Variants in GAB1 observed in about 807,000 individuals in gnomAD.
The protein encoded by GAB1 is GRB2-associated-binding protein 1.
A neutral mutation model predicts 66.5 loss-of-function variants in GAB1; 19 were observed. The observed-to-expected ratio is 0.29, with a 90% CI of 0.20 to 0.42. The LOEUF is 0.42. Ranked by LOEUF, GAB1 falls within the 10% of genes least tolerant of loss-of-function variation. The probability of loss-of-function intolerance (pLI) is 1.00; values close to 1 mark genes in which losing one functional copy is unlikely to be tolerated. For missense variants in GAB1, 732 were observed against 858.5 expected (o/e 0.85, Z 1.84); for synonymous variants, 294 against 301.4 (o/e 0.98, Z 0.25).
chr4:143,360,288 C>G (rs1729610852), intron 1 of GAB1, among the ~76,000 whole-genome samples: 1 of 152,084 alleles, frequency 6.6e-6, no homozygotes, highest in African/African-American at 2.4e-5. Context: ...TTTACATTCT[C>G]CTGATTCTGA....
intron 3 of GAB1, among the ~76,000 whole-genome samples, chr4:143,436,170 G>A (rs1733930979): frequency 6.6e-6 from 1 of 152,224 alleles, no homozygotes; most frequent in Non-Finnish European, 1.5e-5. Context: ...AGAATGGAAT[G>A]TGAACTACAC....
In GAB1 at chr4:143,337,111, C is replaced by T. The variant is rs1054451001; in HGVS notation, c.-78C>T. ...AGAGCTAGGTTCTCGCCACTGCGCGCTCGGCAGGCGTCGGCTGTGTCGGGA... is the reference window on the plus strand; with the variant it reads ...AGAGCTAGGTTCTCGCCACTGCGCGTTCGGCAGGCGTCGGCTGTGTCGGGA... On this transcript the variant is annotated 5_prime_UTR_variant, in exon 1 of 10. Transcript: ENST00000262994. 7.5e-6 allele frequency: 10 copies of T among 1,329,224 alleles called. No homozygotes were observed. The highest frequency in any genetic ancestry group is 3.7e-4 in the Middle Eastern group (2 of 5,392). The allele number at this position is 1,329,224 out of a possible 1,614,324, so 82.3% of individuals were successfully genotyped here.
chr4:143,348,137 A>G (rs570030894), intron 1 of GAB1, among the ~76,000 whole-genome samples: 6 of 152,320 alleles, frequency 3.9e-5, no homozygotes, highest in African/African-American at 1.2e-4. Context: ...AGTTCCCATA[A>G]GAACTCTTAC....
chr4:143,384,705 T>A (rs769681597), intron 1 of GAB1, among the ~76,000 whole-genome samples: 3 of 152,216 alleles, frequency 2.0e-5, no homozygotes, highest in Non-Finnish European at 4.4e-5. Flanking sequence ...TTTTGCAGGC[T>A]CTGTTCAGTC....
chr4:143,341,773 G>T (rs1445697728), intron 1 of GAB1, among the ~76,000 whole-genome samples: 1 of 152,222 alleles, frequency 6.6e-6, no homozygotes, highest in Non-Finnish European at 1.5e-5. Context: ...TGACATGGAG[G>T]AGAGGGGCGT....
chr4:143,463,108 T>C (rs1203833600), intron 8 of GAB1, among the ~76,000 whole-genome samples: 1 of 152,198 alleles, frequency 6.6e-6, no homozygotes, highest in South Asian at 2.1e-4. Flanking sequence ...GGACTCATCA[T>C]AGTCCATTCA....
intron 1 of GAB1, among the ~76,000 whole-genome samples, chr4:143,358,824 T>C (rs1019171850): frequency 1.3e-5 from 2 of 152,262 alleles, no homozygotes; most frequent in Non-Finnish European, 2.9e-5. Context: ...GACTTACTAA[T>C]TGGTATTTGT....
At chr4:143,394,117 C>CA (rs34943991) in intron 1 of GAB1, among the ~76,000 whole-genome samples, 1 of 151,868 alleles carries the variant, frequency 6.6e-6, no homozygotes, top group Non-Finnish European at 1.5e-5. Flanking sequence ...ATTAAAAATA[C>CA]AAAAAAATTA....
chr4:143,446,341 T>A (rs1184365052), intron 6 of GAB1, among the ~76,000 whole-genome samples: 1 of 152,204 alleles, frequency 6.6e-6, no homozygotes, highest in Non-Finnish European at 1.5e-5. Context: ...ATGGTATTGC[T>A]AGTTCCAGAT....
intron 6 of GAB1, among the ~76,000 whole-genome samples, chr4:143,447,286 T>C (rs1227448696): frequency 6.6e-6 from 1 of 152,194 alleles, no homozygotes; most frequent in Non-Finnish European, 1.5e-5. Context: ...GGGCTCTTTT[T>C]TGGTTCTATA....
intron 1 of GAB1, among the ~76,000 whole-genome samples, chr4:143,409,814 T>G (rs1231351050): frequency 6.6e-6 from 1 of 152,120 alleles, no homozygotes; most frequent in African/African-American, 2.4e-5. Context: ...GCAGAAGATA[T>G]TAATATAAGA....
At chr4:143,349,657 C>G in intron 1 of GAB1, 4 of 1,486,826 alleles carry the variant, frequency 2.7e-6, no homozygotes, top group Non-Finnish European at 3.7e-6. Context: ...CCAGTAGCCT[C>G]TGTGCACGGG....
chr4:143,337,047 G>T lies in GAB1; in HGVS notation c.-142G>T. On this transcript the variant is annotated 5_prime_UTR_variant, in exon 1 of 10. Coordinates refer to ENST00000262994, the MANE Select transcript of GAB1 (RefSeq NM_002039.4). ...GAACTCGTGGAACCCGCGCACCGTGGAGTCTGTCCGCCCAGTCCGTCCGGG... is the reference window on the plus strand; with the variant it reads ...GAACTCGTGGAACCCGCGCACCGTGTAGTCTGTCCGCCCAGTCCGTCCGGG... The T allele has an allele frequency of 1.5e-6, 1 of 670,266 alleles. No homozygotes were observed. 41.5% of individuals were successfully genotyped at this position (670,266 alleles called of 1,614,324 possible). A position where few individuals can be genotyped will look rare whatever the true frequency, so the allele number is the denominator to read the frequency against.
chr4:143,459,082 CA>C (rs1265470675), intron 6 of GAB1, among the ~76,000 whole-genome samples: 1 of 152,066 alleles, frequency 6.6e-6, no homozygotes, highest in East Asian at 1.9e-4. Flanking sequence ...AACTGGGTCA[CA>C]TTACTCTTTA....
rs987514359 is a variant in GAB1 at position 143,439,835 on chromosome 4, G to A, written c.1229G>A (p.Arg410Gln). Reference sequence around the variant, plus strand: ...TCTCAAGACTGCTATGATATTCCACGAGCATTTCCAAGTGATAGATCTAGT... The same window carrying A: ...TCTCAAGACTGCTATGATATTCCACAAGCATTTCCAAGTGATAGATCTAGT... ...ASSQDCYDIP[R>Q]AFPSDRSSSL... Residue 410 changes from arginine (R) to glutamine (Q), a missense_variant, in exon 5 of 10, where the codon CGA becomes CAA. Coordinates refer to ENST00000262994, the MANE Select transcript of GAB1 (RefSeq NM_002039.4). 6.8e-6 allele frequency: 11 copies of A among 1,613,222 alleles called. No homozygotes were observed. Among genetic ancestry groups the A allele is most frequent in the African/African-American group, 2.7e-5 (2 of 74,866 alleles).
intron 6 of GAB1, among the ~76,000 whole-genome samples, chr4:143,442,130 T>G (rs922539326): frequency 6.6e-6 from 1 of 152,244 alleles, no homozygotes; most frequent in Non-Finnish European, 1.5e-5. Context: ...TGGACATGTA[T>G]AGCTTTATAA....
chr4:143,446,245 A>T (rs1734520884), intron 6 of GAB1, among the ~76,000 whole-genome samples: 1 of 152,176 alleles, frequency 6.6e-6, no homozygotes, highest in Non-Finnish European at 1.5e-5. Context: ...ATAGTGCTGC[A>T]ATAAACATAC....
At chr4:143,412,497 G>A (rs1732448578) in intron 1 of GAB1, among the ~76,000 whole-genome samples, 1 of 152,154 alleles carries the variant, frequency 6.6e-6, no homozygotes, top group Admixed American at 6.5e-5. Flanking sequence ...CTGTGCTATG[G>A]CAAATAAAGC....
In GAB1 at chr4:143,337,114, G is replaced by C. The variant is rs1728676482; in HGVS notation, c.-75G>C. On this transcript the variant is annotated 5_prime_UTR_variant, in exon 1 of 10. Coordinates refer to ENST00000262994, the MANE Select transcript of GAB1 (RefSeq NM_002039.4). The stretch of plus-strand genomic sequence containing the variant: ...GCTAGGTTCTCGCCACTGCGCGCTC[G>C]GCAGGCGTCGGCTGTGTCGGGAGCG... 3 of 1,348,960 alleles carry C rather than the reference G, an allele frequency of 2.2e-6. No individual in the cohort carries two copies. Among genetic ancestry groups the C allele is most frequent in the Non-Finnish European group, 2.0e-6 (2 of 975,984 alleles). 83.6% of individuals were successfully genotyped at this position (1,348,960 alleles called of 1,614,324 possible). A position where few individuals can be genotyped will look rare whatever the true frequency, so the allele number is the denominator to read the frequency against.
Sources: gnomAD v4.1 joint callset for allele counts (sites outside exome capture counted in the v4.1 genomes callset) on GRCh38, gnomAD v4.1.1 for gene constraint, MANE v1.5 for transcripts, NCBI Gene and HGNC (gene_info 2026-07-23, HGNC 2026-07-21) for gene names.